The following XNDC1N variants were observed in gnomAD, a reference collection of about 807,000 sequenced individuals.
XNDC1N encodes protein XNDC1N.
At chr11:71,915,903 G>A in the XNDC1N span, among the ~76,000 whole-genome samples, 1 of 152,328 alleles carries the variant, frequency 6.6e-6, no homozygotes, top group East Asian at 1.9e-4. Flanking sequence ...GGGAAGGAGA[G>A]GAGTTCACGC....
the XNDC1N span, chr11:71,878,504 C>T: frequency 6.2e-7 from 1 of 1,611,194 alleles, no homozygotes; most frequent in South Asian, 1.1e-5. Context: ...GTCCACAGTT[C>T]CTCCAAGTAA....
the XNDC1N span, chr11:71,926,223 T>C: frequency 6.6e-6 from 1 of 152,070 alleles, no homozygotes; most frequent in Admixed American, 6.5e-5. Context: ...TGAGCTGAGA[T>C]TGCACCATCA....
chr11:71,913,243 G>C, the XNDC1N span, among the ~76,000 whole-genome samples: 5 of 152,046 alleles, frequency 3.3e-5, no homozygotes, highest in African/African-American at 1.2e-4. Flanking sequence ...AGTATCACAG[G>C]GGTGTGGAAA....
chr11:71,880,284 A>G, the XNDC1N span, among the ~76,000 whole-genome samples: 3 of 152,166 alleles, frequency 2.0e-5, no homozygotes, highest in African/African-American at 7.2e-5. Context: ...AAAAAATTTC[A>G]TCATATGAAT....
chr11:71,893,350 T>C, the XNDC1N span: 71 of 588,740 alleles, frequency 1.2e-4, no homozygotes, highest in Non-Finnish European at 2.1e-4. Context: ...GCTGGCGGTG[T>C]ATGGTCCGCA....
chr11:71,889,126 C>T, the XNDC1N span, among the ~76,000 whole-genome samples: 4 of 152,172 alleles, frequency 2.6e-5, no homozygotes, highest in Non-Finnish European at 5.9e-5. Flanking sequence ...TGCTTTCATT[C>T]GGGCCTTAGA....
At chr11:71,928,324 G>A in the XNDC1N span, 2 of 614,024 alleles carry the variant, frequency 3.3e-6, no homozygotes, top group African/African-American at 3.7e-5. Flanking sequence ...CCTCCCTCTC[G>A]GCCACTCCCC....
At chr11:71,917,721 C>T in the XNDC1N span, 1 of 703,202 alleles carries the variant, frequency 1.4e-6, no homozygotes. Context: ...AAGGTCTGTC[C>T]AGGGGCCAGG....
the XNDC1N span, among the ~76,000 whole-genome samples, chr11:71,918,389 C>G: frequency 1.3e-5 from 2 of 152,076 alleles, no homozygotes; most frequent in African/African-American, 4.8e-5. Context: ...TCAGGTGATC[C>G]TCCCACCTCA....
chr11:71,890,492 G>A, the XNDC1N span, among the ~76,000 whole-genome samples: 10 of 151,890 alleles, frequency 6.6e-5, no homozygotes, highest in East Asian at 1.2e-3. Flanking sequence ...TCATCCTCCC[G>A]CCCACTGGAT....
the XNDC1N span, among the ~76,000 whole-genome samples, chr11:71,896,171 C>A: frequency 1.3e-5 from 2 of 152,150 alleles, no homozygotes; most frequent in Admixed American, 6.5e-5. Flanking sequence ...CTCAGCTACT[C>A]GGAGGGCTGA....
chr11:71,900,537 G>A, the XNDC1N span, among the ~76,000 whole-genome samples: 1 of 152,148 alleles, frequency 6.6e-6, no homozygotes, highest in Non-Finnish European at 1.5e-5. Flanking sequence ...GGGGGTCTCA[G>A]AAATCTTATT....
chr11:71,893,135 G>T, the XNDC1N span, among the ~76,000 whole-genome samples: 1 of 152,162 alleles, frequency 6.6e-6, no homozygotes, highest in Non-Finnish European at 1.5e-5. Flanking sequence ...AAGAGAGAAG[G>T]ACACTGTCAT....
chr11:71,900,033 G>C, the XNDC1N span, among the ~76,000 whole-genome samples: 1,321 of 150,648 alleles, frequency 8.8e-3, no homozygotes, highest in Non-Finnish European at 0.013. Context: ...TGTTTGGGTG[G>C]AGAGAAACCT....
the XNDC1N span, among the ~76,000 whole-genome samples, chr11:71,867,901 T>G: frequency 6.6e-6 from 1 of 152,216 alleles, no homozygotes; most frequent in African/African-American, 2.4e-5. Context: ...AGTCTCCCAC[T>G]ACTACTGTGT....
the XNDC1N span, among the ~76,000 whole-genome samples, chr11:71,913,934 G>C: frequency 6.6e-6 from 1 of 152,168 alleles, no homozygotes; most frequent in Non-Finnish European, 1.5e-5. Flanking sequence ...TTACAGCATG[G>C]TTTCCTGAAT....
chr11:71,913,254 C>T, the XNDC1N span, among the ~76,000 whole-genome samples: 7 of 151,930 alleles, frequency 4.6e-5, no homozygotes, highest in Non-Finnish European at 8.8e-5. Flanking sequence ...GGTGTGGAAA[C>T]CCCCTGCGGT....
chr11:71,878,290 T>C, the XNDC1N span, among the ~76,000 whole-genome samples: 1 of 152,246 alleles, frequency 6.6e-6, no homozygotes, highest in Non-Finnish European at 1.5e-5. Context: ...GATGATTGCA[T>C]GCTGTCTCCT....
At chr11:71,880,198 A>G in the XNDC1N span, among the ~76,000 whole-genome samples, 4 of 152,194 alleles carry the variant, frequency 2.6e-5, no homozygotes, top group Admixed American at 1.3e-4. Context: ...CCACAGTTTA[A>G]TATGTATTTA....
Sources: allele counts gnomAD v4.1 joint callset (sites outside exome capture counted in the v4.1 genomes callset), GRCh38; gene constraint gnomAD v4.1.1; transcripts MANE v1.5; gene names NCBI Gene and HGNC (gene_info 2026-07-23, HGNC 2026-07-21).